Variants in PEBP4 observed in about 807,000 individuals in gnomAD.
PEBP4 encodes phosphatidylethanolamine binding protein 4.
In PEBP4, 22 loss-of-function variants were observed where a neutral mutation model predicts 23.9. The ratio of observed to expected loss-of-function variants is 0.92; its 90% CI spans 0.66 to 1.31. The LOEUF is 1.31. Ranked by LOEUF, PEBP4 falls within the 40% of genes most tolerant of loss-of-function variation. The pLI is 0.00. For missense variants in PEBP4, 324 were observed against 281.7 expected, an observed-to-expected ratio of 1.15 and a Z score of -1.07; for synonymous variants, 112 against 99.3, an observed-to-expected ratio of 1.13 and a Z score of -0.76.
chr8:22,745,601 T>C (rs1429097003), intron 4 of PEBP4: 1 of 152,422 alleles, frequency 6.6e-6, no homozygotes, highest in African/African-American at 2.4e-5. Flanking sequence ...AAGCCTTCCT[T>C]CTCCCAGCAT....
intron 3 of PEBP4, among the ~76,000 whole-genome samples, chr8:22,881,840 A>C (rs1445983687): frequency 6.6e-6 from 1 of 152,196 alleles, no homozygotes; most frequent in Admixed American, 6.5e-5. Flanking sequence ...GCAGGTGGGG[A>C]CTATTGACTT....
intron 3 of PEBP4, among the ~76,000 whole-genome samples, chr8:22,870,868 C>A (rs919943269): frequency 2.0e-5 from 3 of 152,146 alleles, no homozygotes; most frequent in Non-Finnish European, 4.4e-5. Context: ...GCCCTTGGGA[C>A]CTCTGCCAGA....
chr8:22,824,820 T>C (rs566876728), intron 3 of PEBP4, among the ~76,000 whole-genome samples: 1 of 152,272 alleles, frequency 6.6e-6, no homozygotes, highest in African/African-American at 2.4e-5. Flanking sequence ...GCCCAGGTGG[T>C]AACAGGAATG....
chr8:22,717,834 A>T (rs1436205767), intron 6 of PEBP4, among the ~76,000 whole-genome samples: 1 of 152,114 alleles, frequency 6.6e-6, no homozygotes, highest in Non-Finnish European at 1.5e-5. Context: ...ACTCCAGCCT[A>T]ATAACCGCCC....
chr8:22,746,387 G>C (rs1241313074), intron 4 of PEBP4, among the ~76,000 whole-genome samples: 1 of 152,192 alleles, frequency 6.6e-6, no homozygotes, highest in Non-Finnish European at 1.5e-5. Flanking sequence ...TGGTTGCGGT[G>C]TCTGTGATTC....
At chr8:22,856,868 A>G (rs932412587) in intron 3 of PEBP4, among the ~76,000 whole-genome samples, 13 of 152,116 alleles carry the variant, frequency 8.5e-5, no homozygotes, top group Non-Finnish European at 1.3e-4. Flanking sequence ...ACACCAAATT[A>G]TTTATAATAG....
chr8:22,914,170 T>G (rs1056996361), intron 3 of PEBP4, among the ~76,000 whole-genome samples: 6 of 151,886 alleles, frequency 4.0e-5, no homozygotes, highest in African/African-American at 1.5e-4. Context: ...GTATTTTTAG[T>G]AGAAATGGGG....
At chr8:22,891,128 CT>C (rs1270791238) in intron 3 of PEBP4, among the ~76,000 whole-genome samples, 3 of 152,234 alleles carry the variant, frequency 2.0e-5, no homozygotes, top group Non-Finnish European at 4.4e-5. Flanking sequence ...GCTCCCGGCC[CT>C]TCCCATCTTA....
At chr8:22,784,900 A>C (rs1372367166) in intron 4 of PEBP4, among the ~76,000 whole-genome samples, 2 of 152,166 alleles carry the variant, frequency 1.3e-5, no homozygotes, top group Admixed American at 1.3e-4. Context: ...AGCGAGCCGG[A>C]GGGGGGACCG....
At chr8:22,817,772 G>T in intron 3 of PEBP4, 37 bp from the exon 4 acceptor site, 2 of 1,579,154 alleles carry the variant, frequency 1.3e-6, no homozygotes, top group Non-Finnish European at 8.7e-7. Context: ...GTAGCGTCAT[G>T]GCTGAAATAG....
chr8:22,749,954 G>A (rs1164545566), intron 4 of PEBP4, among the ~76,000 whole-genome samples: 2 of 150,476 alleles, frequency 1.3e-5, no homozygotes, highest in Non-Finnish European at 3.0e-5. Context: ...TTACAGGCAT[G>A]TGCCACCATG....
At chr8:22,858,536 A>G (rs1807703596) in intron 3 of PEBP4, among the ~76,000 whole-genome samples, 1 of 152,244 alleles carries the variant, frequency 6.6e-6, no homozygotes, top group African/African-American at 2.4e-5. Flanking sequence ...CATTCTCTCT[A>G]TCCCATTCAT....
chr8:22,846,953 A>G (rs1053645507), intron 3 of PEBP4, among the ~76,000 whole-genome samples: 3 of 152,098 alleles, frequency 2.0e-5, no homozygotes, highest in Non-Finnish European at 2.9e-5. Context: ...CTTGAGCCCA[A>G]GAGTTTGAAA....
chr8:22,758,180 TATTTTGAAAATG>T (rs1474039117), intron 4 of PEBP4: 1 of 152,242 alleles, frequency 6.6e-6, no homozygotes, highest in Non-Finnish European at 1.5e-5. Context: ...TACTAAACGC[TATTTTGAAAATG>T]ATTTTGAAGC....
At chr8:22,745,342 G>A (rs1352423875) in intron 4 of PEBP4, among the ~76,000 whole-genome samples, 1 of 152,214 alleles carries the variant, frequency 6.6e-6, no homozygotes, top group African/African-American at 2.4e-5. Context: ...GTCCCGCAGA[G>A]GATTGGGGGA....
chr8:22,747,904 C>A (rs1337906355), intron 4 of PEBP4, among the ~76,000 whole-genome samples: 1 of 152,174 alleles, frequency 6.6e-6, no homozygotes, highest in Non-Finnish European at 1.5e-5. Context: ...GGAGCAGGAG[C>A]CCAGGGCCGC....
At position 22,748,053 on chromosome 8, in the gene PEBP4, T is replaced by C. The variant is rs552816080; in HGVS notation, c.358-20833A>G. Among the ~76,000 whole-genome samples the C allele has an allele frequency of 2.0e-5, 3 of 152,294 alleles. No homozygotes were observed. The South Asian group carries it at 6.2e-4, about 32-fold the overall frequency. ...TGCAATGCTCAGACTCTTAGTCAAC[T>C]TCAGCAACTGGGGCACATCCACACG... On this transcript the variant is annotated intron_variant, in intron 4 of 6. Coordinates refer to ENST00000256404, the MANE Select transcript of PEBP4 (RefSeq NM_144962.3).
At chr8:22,801,924 C>A (rs1806391238) in intron 4 of PEBP4, among the ~76,000 whole-genome samples, 1 of 152,190 alleles carries the variant, frequency 6.6e-6, no homozygotes. Flanking sequence ...CACCCAGAAT[C>A]TGTTCATCAA....
Position 22,849,923 on chromosome 8 carries a change from A to G in PEBP4, c.259-32188T>C, listed in dbSNP as rs554409906. On this transcript the variant is annotated intron_variant, in intron 3 of 6. Transcript: ENST00000256404. ...AGGACCTCAGTGTACTCCGTGAAGGAGGTGGCACATGTGGGCATTTGGTAA... is the reference window on the plus strand; with the variant it reads ...AGGACCTCAGTGTACTCCGTGAAGGGGGTGGCACATGTGGGCATTTGGTAA... Among the ~76,000 whole-genome samples the G allele has an allele frequency of 1.2e-4, 19 of 152,124 alleles. No individual in the cohort carries two copies. The South Asian group carries it at 1.7e-3, about 13-fold the overall frequency.
Sources: allele counts gnomAD v4.1 joint callset (sites outside exome capture counted in the v4.1 genomes callset), GRCh38; gene constraint gnomAD v4.1.1; transcripts MANE v1.5; gene names NCBI Gene and HGNC (gene_info 2026-07-23, HGNC 2026-07-21).